Variants in GOT1 observed in about 807,000 individuals in gnomAD.
GOT1 encodes the protein glutamic-oxaloacetic transaminase 1.
GOT1 carries 25 observed loss-of-function variants against 48.2 expected under a neutral mutation model. That is an observed-to-expected ratio of 0.52 (90% CI 0.38 to 0.72). GOT1 has a LOEUF of 0.72. Ranked by LOEUF, GOT1 falls within the 30% of genes least tolerant of loss-of-function variation. GOT1 has a pLI of 0.00. For missense variants in GOT1, 380 were observed against 520.1 expected (o/e 0.73, Z 2.62); for synonymous variants, 188 against 193.8 (o/e 0.97, Z 0.25).
At chr10:99,429,663 G>T (rs917030991) in intron 1 of GOT1, among the ~76,000 whole-genome samples, 1 of 152,206 alleles carries the variant, frequency 6.6e-6, no homozygotes, top group Non-Finnish European at 1.5e-5. Flanking sequence ...TAAAAAATTT[G>T]AGAGGCACTC....
chr10:99,403,020 A>G (rs1247649714), intron 7 of GOT1, among the ~76,000 whole-genome samples: 1 of 152,226 alleles, frequency 6.6e-6, no homozygotes, highest in East Asian at 1.9e-4. Context: ...TTAATAGGGC[A>G]ATATGTTTCA....
In GOT1 at chr10:99,402,626, GT is replaced by G; in HGVS notation, c.1055del (p.Asn352ThrfsTer15). 1 of 1,614,194 alleles carries G rather than the reference GT, an allele frequency of 6.2e-7. No individual in the cohort carries two copies. Among genetic ancestry groups the G allele is most frequent in the Non-Finnish European group, 8.5e-7 (1 of 1,180,016 alleles). ...LEALKTPGTW[N>X]HITDQIGMFS... is the part of the protein sequence containing the mutation. ...ACATGCCAATTTGATCAGTGATGTG[GT>G]TCCAGGTCCCAGGGGTTTTGAGGGC... On this transcript the variant is annotated frameshift_variant, in exon 8 of 9. Transcript: ENST00000370508. LOFTEE classifies it high-confidence loss of function.
Position 99,406,931 on chromosome 10 carries a change from T to TA in GOT1, c.301-83dup, listed in dbSNP as rs1453297252. The TA allele has an allele frequency of 6.8e-5, 89 of 1,302,598 alleles. 1 individual carries two copies. The highest frequency in any genetic ancestry group is 8.8e-5 in the Non-Finnish European group (80 of 905,200). The allele number at this position is 1,302,598 out of a possible 1,614,324, so 80.7% of individuals were successfully genotyped here. A position where few individuals can be genotyped will look rare whatever the true frequency, so the allele number is the denominator to read the frequency against. On this transcript the variant is annotated intron_variant, in intron 2 of 8. Coordinates refer to ENST00000370508, the MANE Select transcript of GOT1 (RefSeq NM_002079.3). ...CAAAAATAAGGTAATAATGAGCACT[T>TA]ACTCTATGCCTGCTCTGTGCTAAGG... is the stretch of plus-strand genomic sequence containing the variant.
At chr10:99,416,612 C>G (rs1433936827) in intron 2 of GOT1, among the ~76,000 whole-genome samples, 1 of 152,144 alleles carries the variant, frequency 6.6e-6, no homozygotes, top group Non-Finnish European at 1.5e-5. Context: ...CATATGGAAC[C>G]AAAAAACAGC....
chr10:99,407,102 A>G (rs1374459446), intron 2 of GOT1, among the ~76,000 whole-genome samples: 1 of 152,222 alleles, frequency 6.6e-6, no homozygotes, highest in Non-Finnish European at 1.5e-5. Flanking sequence ...CAGGAGTGCC[A>G]GTCTTCAACC....
At chr10:99,420,893 C>A (rs1185779729) in intron 1 of GOT1, 88 bp from the exon 2 acceptor site, 5 of 1,054,592 alleles carry the variant, frequency 4.7e-6, no homozygotes, top group Non-Finnish European at 7.0e-6. Flanking sequence ...AGAATCCCAC[C>A]ACCTTCCGGT....
intron 8 of GOT1, among the ~76,000 whole-genome samples, chr10:99,399,470 G>A (rs991219908): frequency 2.6e-5 from 4 of 152,152 alleles, no homozygotes; most frequent in Admixed American, 1.3e-4. Context: ...ACCTGTGCAA[G>A]TTAATAAATT....
intron 2 of GOT1, among the ~76,000 whole-genome samples, chr10:99,419,784 C>T (rs1339996934): frequency 1.3e-5 from 2 of 152,102 alleles, no homozygotes; most frequent in African/African-American, 2.4e-5. Flanking sequence ...ACCAGTGTCC[C>T]GGCCTCGCTC....
rs539504568 is a variant in GOT1 at position 99,414,448 on chromosome 10, T to G, written c.300+6176A>C. Among the ~76,000 whole-genome samples, 3 of 152,278 alleles carry G rather than the reference T, an allele frequency of 2.0e-5. No homozygotes were observed. The South Asian group carries it at 6.2e-4, about 32-fold the overall frequency. ...CACCCAGATTCATAAAGCAAGTCCT[T>G]AGGGACCTACAAAGGGACTGAGACT... On this transcript the variant is annotated intron_variant, in intron 2 of 8. Coordinates refer to ENST00000370508, the MANE Select transcript of GOT1 (RefSeq NM_002079.3).
At chr10:99,426,195 G>T (rs965478171) in intron 1 of GOT1, among the ~76,000 whole-genome samples, 6 of 152,028 alleles carry the variant, frequency 3.9e-5, no homozygotes, top group Non-Finnish European at 8.8e-5. Context: ...CCATGTCAGG[G>T]GCCTTTTTAT....
intron 2 of GOT1, among the ~76,000 whole-genome samples, chr10:99,417,847 A>C (rs560847930): frequency 9.2e-5 from 14 of 152,264 alleles, no homozygotes; most frequent in Admixed American, 6.5e-4. Context: ...GTGGGAATTG[A>C]ACAATGAGAA....
At chr10:99,424,433 C>T (rs1312828926) in intron 1 of GOT1, among the ~76,000 whole-genome samples, 1 of 152,072 alleles carries the variant, frequency 6.6e-6, no homozygotes, top group East Asian at 1.9e-4. Flanking sequence ...TTTGAACTAC[C>T]TACAAAGGAT....
In GOT1 at chr10:99,397,430, G is replaced by A. The variant is rs2032615257; in HGVS notation, c.*117C>T. The stretch of plus-strand genomic sequence containing the variant: ...TTTAAACAGAGGCTGCCTCACCAGA[G>A]CAGCCTTTCAGTCCTGCAAGTGTCT... On this transcript the variant is annotated 3_prime_UTR_variant, in exon 9 of 9. Coordinates refer to ENST00000370508, the MANE Select transcript of GOT1 (RefSeq NM_002079.3). The surrounding 1 kb of genome is among the most constrained non-coding windows in gnomAD (Gnocchi z 5.4). 2 of 1,105,728 alleles carry A rather than the reference G, an allele frequency of 1.8e-6. No homozygotes were observed. The highest frequency in any genetic ancestry group is 2.4e-5 in the East Asian group (1 of 42,226). 68.5% of individuals were successfully genotyped at this position (1,105,728 alleles called of 1,614,324 possible).
rs1196586556 is a variant in GOT1 at position 99,403,561 on chromosome 10, C to T, written c.867G>A (p.Glu289=). 6.2e-7 allele frequency: 1 copy of T among 1,614,014 alleles called. No individual in the cohort carries two copies. The highest frequency in any genetic ancestry group is 1.3e-5 in the African/African-American group (1 of 74,928). The change falls in exon 7 of 9, where the codon GAG becomes GAA. Residue 289 remains glutamate (E), a synonymous_variant. Transcript: ENST00000370508. The part of the protein sequence containing the change: ...ESILQVLSQM[E]KIVRITWSNP... ...TGGACCAAGTAATCCGCACGATCTT[C>T]TCCATCTGGGAAAGGACTTGCAGGA...
chr10:99,403,352 A>G, intron 7 of GOT1, 117 bp downstream of exon 7: 1 of 824,296 alleles, frequency 1.2e-6, no homozygotes, highest in East Asian at 2.4e-5. Flanking sequence ...CAAAGAAGTT[A>G]AAGTAATTTT....
Position 99,397,350 on chromosome 10 carries a change from T to A in GOT1, c.*197A>T. 1.6e-6 allele frequency: 1 copy of A among 637,842 alleles called. No homozygotes were observed. The highest frequency in any genetic ancestry group is 2.5e-5 in the East Asian group (1 of 39,398). 39.5% of individuals were successfully genotyped at this position (637,842 alleles called of 1,614,324 possible). On this transcript the variant is annotated 3_prime_UTR_variant, in exon 9 of 9. Coordinates refer to ENST00000370508, the MANE Select transcript of GOT1 (RefSeq NM_002079.3). The surrounding 1 kb of genome is among the most constrained non-coding windows in gnomAD (Gnocchi z 5.4). ...TTAATTTGCTTTGACCTCCAAAGGC[T>A]CTAATCCCAGTCTCCAAATTCGTCT...
chr10:99,410,803 A>G (rs4919308), intron 2 of GOT1, among the ~76,000 whole-genome samples: 5,083 of 152,282 alleles, frequency 0.033, 246 homozygotes, highest in East Asian at 0.25. Context: ...TCATAACATC[A>G]AAGGAAGTAA....
At chr10:99,409,196 G>C (rs186809640) in intron 2 of GOT1, among the ~76,000 whole-genome samples, 11 of 151,868 alleles carry the variant, frequency 7.2e-5, no homozygotes, top group Non-Finnish European at 5.9e-5. Flanking sequence ...GCAGTGGCAC[G>C]ATCTTGGCTT....
At chr10:99,401,815 CTTT>C (rs368064630) in intron 8 of GOT1, among the ~76,000 whole-genome samples, 1 of 147,900 alleles carries the variant, frequency 6.8e-6, no homozygotes, top group African/African-American at 2.5e-5. Context: ...AGGTTCTTTT[CTTT>C]TTTTTTTGAG....
Sources: allele counts gnomAD v4.1 joint callset (sites outside exome capture counted in the v4.1 genomes callset), GRCh38; gene constraint gnomAD v4.1.1; non-coding constraint Gnocchi (gnomAD v3.1); transcripts MANE v1.5; gene names NCBI Gene and HGNC (gene_info 2026-07-23, HGNC 2026-07-21).